The following STAG1 variants were observed in gnomAD, a reference collection of about 807,000 sequenced individuals.
The protein encoded by STAG1 is STAG1 cohesin complex component, also known as cohesin subunit SA-1.
In STAG1, 26 loss-of-function variants were observed where a neutral mutation model predicts 170.9. The ratio of observed to expected loss-of-function variants is 0.15; its 90% CI spans 0.11 to 0.21. The LOEUF is 0.21. Ranked by LOEUF, STAG1 falls within the 10% of genes least tolerant of loss-of-function variation. The pLI is 1.00. For synonymous variants in STAG1, 514 were observed against 497.7 expected, an observed-to-expected ratio of 1.03 and a Z score of -0.44; for missense variants, 964 against 1,509.5, an observed-to-expected ratio of 0.64 and a Z score of 5.99.
chr3:136,435,045 CTA>C (rs1243409501), intron 15 of STAG1, among the ~76,000 whole-genome samples: 6 of 152,124 alleles, frequency 3.9e-5, no homozygotes, highest in African/African-American at 1.4e-4. Flanking sequence ...TTGTATATTT[CTA>C]TGACAATGCT....
intron 5 of STAG1, among the ~76,000 whole-genome samples, chr3:136,550,037 A>T (rs1936319908): frequency 6.6e-6 from 1 of 151,956 alleles, no homozygotes; most frequent in South Asian, 2.1e-4. Flanking sequence ...TTTGTTTAGG[A>T]CTTTTTGCAT....
chr3:136,376,307 C>A (rs1937608715), intron 23 of STAG1, among the ~76,000 whole-genome samples: 1 of 152,110 alleles, frequency 6.6e-6, no homozygotes, highest in Non-Finnish European at 1.5e-5. Flanking sequence ...CAAATGTACT[C>A]CCCAATACAA....
At chr3:136,464,546 A>C (rs1300874583) in intron 13 of STAG1, among the ~76,000 whole-genome samples, 3 of 152,358 alleles carry the variant, frequency 2.0e-5, no homozygotes, top group Non-Finnish European at 4.4e-5. Context: ...AGAAAGTAAG[A>C]TCAGACCTCA....
At position 136,359,803 on chromosome 3, in the gene STAG1, G is replaced by A. The variant is rs114072943; in HGVS notation, c.2788-507C>T. The stretch of plus-strand genomic sequence containing the variant: ...GGATTACAGGCGTGAGCCACCACAC[G>A]TGGCCAAAAGAATGTATTTTGAGAT... On this transcript the variant is annotated intron_variant, in intron 26 of 33. Transcript: ENST00000383202. Among the ~76,000 whole-genome samples the A allele has an allele frequency of 5.6e-3, 848 of 152,242 alleles. 1 individual carries two copies. The highest frequency in any genetic ancestry group is 0.013 in the African/African-American group (534 of 41,528).
intron 8 of STAG1, among the ~76,000 whole-genome samples, chr3:136,501,621 C>G (rs1047907411): frequency 1.3e-5 from 2 of 152,182 alleles, no homozygotes; most frequent in African/African-American, 4.8e-5. Context: ...TTCTAGCCTG[C>G]AAGCCTGTGA....
chr3:136,669,912 ATAGT>A (rs1451716753), intron 1 of STAG1, among the ~76,000 whole-genome samples: 3 of 152,262 alleles, frequency 2.0e-5, no homozygotes, highest in Admixed American at 6.5e-5. Flanking sequence ...ATATACCATA[ATAGT>A]TAAAGAATAT....
chr3:136,439,958 G>C (rs969962933), intron 15 of STAG1, among the ~76,000 whole-genome samples: 2 of 152,012 alleles, frequency 1.3e-5, no homozygotes, highest in African/African-American at 4.8e-5. Context: ...AATGTAAACA[G>C]AATTTAAACC....
At chr3:136,671,055 C>G (rs148694462) in intron 1 of STAG1, among the ~76,000 whole-genome samples, 1 of 151,884 alleles carries the variant, frequency 6.6e-6, no homozygotes, top group Non-Finnish European at 1.5e-5. Context: ...GAGGCCGAGG[C>G]GGGCAGATCA....
chr3:136,604,701 AG>A, intron 3 of STAG1, among the ~76,000 whole-genome samples: 1 of 152,230 alleles, frequency 6.6e-6, no homozygotes, highest in South Asian at 2.1e-4. Flanking sequence ...CCCAGGATGG[AG>A]TGCAGTGGCA....
chr3:136,586,340 A>C (rs1434860412), intron 4 of STAG1, among the ~76,000 whole-genome samples: 3 of 152,138 alleles, frequency 2.0e-5, no homozygotes, highest in African/African-American at 7.2e-5. Flanking sequence ...AATCTGTATA[A>C]AATTCTATAT....
rs1218600096 is a variant in STAG1, at chr3:136,338,382, T to C, written c.3741A>G (p.Ile1247Met). Residue 1247 changes from isoleucine to methionine, a missense_variant, in exon 33 of 34, where the codon ATA becomes ATG. By Grantham distance (10) the Ile-to-Met change is conservative. Transcript: ENST00000383202. Reference sequence around the variant, plus strand: ...ATTTGACATTTACTGAATCATCTTCTATGATAGCTGCAGAGTCAAAGAAGT... The same window carrying C: ...ATTTGACATTTACTGAATCATCTTCCATGATAGCTGCAGAGTCAAAGAAGT... ...RPDFFDSAAI[I>M]EDDSGFGMPM... The C allele has an allele frequency of 1.9e-6, 3 of 1,613,092 alleles. No homozygotes were observed. In the African/African-American group the frequency reaches 4.0e-5, roughly 22 times the overall value.
chr3:136,677,541 AATT>A (rs1942162530), intron 1 of STAG1, among the ~76,000 whole-genome samples: 1 of 152,154 alleles, frequency 6.6e-6, no homozygotes, highest in African/African-American at 2.4e-5. Flanking sequence ...CCCAATGTGA[AATT>A]ATTAAGAGGT....
intron 7 of STAG1, among the ~76,000 whole-genome samples, chr3:136,508,888 G>A (rs1933907769): frequency 7.1e-6 from 1 of 141,560 alleles, no homozygotes; most frequent in Non-Finnish European, 1.6e-5. Flanking sequence ...GCGCGTGCGC[G>A]AGAGAGAGAG....
At chr3:136,438,243 T>TG (rs899925623) in intron 15 of STAG1, among the ~76,000 whole-genome samples, 5 of 148,328 alleles carry the variant, frequency 3.4e-5, no homozygotes, top group African/African-American at 4.9e-5. Flanking sequence ...TTCTTTTCTT[T>TG]TTTTTTTTTT....
intron 26 of STAG1, among the ~76,000 whole-genome samples, chr3:136,362,202 A>G (rs1576390107): frequency 3.6e-5 from 5 of 140,342 alleles, no homozygotes; most frequent in East Asian, 4.5e-4. Context: ...CAGGTGATCT[A>G]CCCGCCTCGG....
At chr3:136,476,301 T>A (rs2089748176) in intron 10 of STAG1, among the ~76,000 whole-genome samples, 1 of 152,070 alleles carries the variant, frequency 6.6e-6, no homozygotes, top group Non-Finnish European at 1.5e-5. Flanking sequence ...AAAATTTGGC[T>A]CCCAGGAGCA....
chr3:136,556,210 C>A (rs976025820), intron 5 of STAG1, among the ~76,000 whole-genome samples: 2 of 152,238 alleles, frequency 1.3e-5, no homozygotes, highest in South Asian at 2.1e-4. Flanking sequence ...ACGTATAAGA[C>A]CTTTTCACAC....
chr3:136,493,953 A>C (rs1287198097), intron 9 of STAG1, among the ~76,000 whole-genome samples: 1 of 152,174 alleles, frequency 6.6e-6, no homozygotes, highest in African/African-American at 2.4e-5. Flanking sequence ...ACAAATTACC[A>C]AATCTGACTC....
chr3:136,544,779 G>C (rs1936080857), intron 5 of STAG1, among the ~76,000 whole-genome samples: 1 of 150,922 alleles, frequency 6.6e-6, no homozygotes, highest in South Asian at 2.1e-4. Flanking sequence ...AAAGTTTATA[G>C]CTTTTATGAC....
Sources: allele counts gnomAD v4.1 joint callset (sites outside exome capture counted in the v4.1 genomes callset), GRCh38; gene constraint gnomAD v4.1.1; transcripts MANE v1.5; gene names NCBI Gene and HGNC (gene_info 2026-07-23, HGNC 2026-07-21).